Variants in SLCO5A1 observed in about 807,000 individuals in gnomAD.
SLCO5A1 encodes the protein organic anion transporter polypeptide-related protein 4.
In SLCO5A1, 39 loss-of-function variants were observed where a neutral mutation model predicts 65.1. The ratio of observed to expected loss-of-function variants is 0.60; its 90% CI spans 0.46 to 0.78. SLCO5A1 has a LOEUF of 0.78. Among genes scored for constraint, SLCO5A1 ranks in the 30% least tolerant of loss-of-function variants. The pLI is 0.00. For synonymous variants in SLCO5A1, 438 were observed against 415.7 expected (o/e 1.05, Z -0.65); for missense variants, 1,029 against 1,069.4 (o/e 0.96, Z 0.53).
In SLCO5A1 at chr8:69,690,692, G is replaced by A. The variant is rs543144935; in HGVS notation, c.1623-8349C>T. ...CGATGGGGCAATAAAGCTATATTCA[G>A]AGAAGATACTTTAGGGAAATATTTC... On this transcript the variant is annotated intron_variant, in intron 6 of 9. Transcript: ENST00000260126. 2.6e-5 allele frequency among the ~76,000 whole-genome samples: 4 copies of A among 152,282 alleles called. No individual in the cohort carries two copies. In the South Asian group the frequency reaches 6.2e-4, roughly 24 times the overall value.
chr8:69,795,374 C>A (rs904260013), intron 2 of SLCO5A1, among the ~76,000 whole-genome samples: 4 of 152,196 alleles, frequency 2.6e-5, no homozygotes, highest in Admixed American at 2.0e-4. Flanking sequence ...GGTAAATACT[C>A]CCATTCCAAA....
At chr8:69,701,200 A>C (rs1367847999) in intron 6 of SLCO5A1, among the ~76,000 whole-genome samples, 3 of 152,188 alleles carry the variant, frequency 2.0e-5, no homozygotes, top group Non-Finnish European at 2.9e-5. Flanking sequence ...AGATTCAAAG[A>C]AAGCAAAGTA....
At chr8:69,800,697 G>A (rs916952823) in intron 2 of SLCO5A1, among the ~76,000 whole-genome samples, 2 of 152,150 alleles carry the variant, frequency 1.3e-5, no homozygotes, top group Non-Finnish European at 2.9e-5. Flanking sequence ...TAATCACGAA[G>A]GTTTATTCCT....
At chr8:69,750,909 T>G (rs1817269570) in intron 4 of SLCO5A1, among the ~76,000 whole-genome samples, 2 of 152,070 alleles carry the variant, frequency 1.3e-5, no homozygotes, top group Non-Finnish European at 1.5e-5. Flanking sequence ...CTCTATAGAG[T>G]GAACATTCAG....
intron 5 of SLCO5A1, among the ~76,000 whole-genome samples, chr8:69,711,120 CCAGG>C (rs1815227218): frequency 6.6e-6 from 1 of 152,110 alleles, no homozygotes; most frequent in South Asian, 2.1e-4. Context: ...CACGCGCCAT[CCAGG>C]CCTCCCCGCC....
At chr8:69,777,406 C>T (rs759319073) in intron 2 of SLCO5A1, among the ~76,000 whole-genome samples, 2 of 149,896 alleles carry the variant, frequency 1.3e-5, no homozygotes, top group Admixed American at 6.7e-5. Context: ...GGAGGTCAGG[C>T]GGAAGGAGGG....
chr8:69,697,514 G>A (rs1563668207), intron 6 of SLCO5A1, among the ~76,000 whole-genome samples: 1 of 152,120 alleles, frequency 6.6e-6, no homozygotes, highest in East Asian at 1.9e-4. Flanking sequence ...ATAATGTTAA[G>A]TGCCATGAGG....
intron 2 of SLCO5A1, among the ~76,000 whole-genome samples, chr8:69,808,307 G>A (rs529882623): frequency 6.6e-6 from 1 of 151,884 alleles, no homozygotes; most frequent in Non-Finnish European, 1.5e-5. Context: ...TGTTTTTCCT[G>A]ATCTTCTCCC....
At chr8:69,792,010 T>G (rs927917484) in intron 2 of SLCO5A1, among the ~76,000 whole-genome samples, 1 of 152,216 alleles carries the variant, frequency 6.6e-6, no homozygotes, top group East Asian at 1.9e-4. Context: ...GCATCTATTT[T>G]TATCAAATAT....
At chr8:69,706,330 T>G (rs1040672347) in intron 5 of SLCO5A1, among the ~76,000 whole-genome samples, 3 of 152,182 alleles carry the variant, frequency 2.0e-5, no homozygotes, top group African/African-American at 7.2e-5. Flanking sequence ...GAGGGATTCA[T>G]GGTATAAGGA....
At position 69,672,934 on chromosome 8, in the gene SLCO5A1, C is replaced by T. The variant is rs1813385969; in HGVS notation, c.2482G>A (p.Ala828Thr). The T allele has an allele frequency of 1.2e-6, 2 of 1,614,118 alleles. No individual in the cohort carries two copies. Among genetic ancestry groups the T allele is most frequent in the Admixed American group, 1.7e-5 (1 of 60,006 alleles). Reference sequence around the variant, plus strand: ...CCCGGGTCCGCAGAGGAACTTATTGCTTCTGGGAAGGGCCCCGGGTAGGTC... The same window carrying T: ...CCCGGGTCCGCAGAGGAACTTATTGTTTCTGGGAAGGGCCCCGGGTAGGTC... ...AQTYPGPFPE[A>T]ISSSADPGLE... The change falls in exon 10 of 10, where the codon GCA becomes ACA. Residue 828 changes from alanine to threonine, a missense_variant. Around this residue, in one of 3 missense-constraint regions of SLCO5A1, gnomAD observed 258 missense variants for 237.4 expected, o/e 1.09. Transcript: ENST00000260126.
intron 2 of SLCO5A1, among the ~76,000 whole-genome samples, chr8:69,824,691 C>A (rs898855961): frequency 8.5e-5 from 13 of 152,232 alleles, no homozygotes; most frequent in Admixed American, 6.5e-4. Context: ...CAAATTCTAC[C>A]AGAGGTACAA....
chr8:69,752,452 A>T (rs925733339), intron 4 of SLCO5A1, among the ~76,000 whole-genome samples: 1 of 150,122 alleles, frequency 6.7e-6, no homozygotes, highest in Admixed American at 6.6e-5. Flanking sequence ...AAAAAAAGTG[A>T]TGTCAATAGC....
intron 6 of SLCO5A1, among the ~76,000 whole-genome samples, chr8:69,701,328 A>C (rs1006970705): frequency 6.6e-6 from 1 of 152,214 alleles, no homozygotes; most frequent in South Asian, 2.1e-4. Flanking sequence ...AACTCAATGG[A>C]CTTCCTTCTC....
rs1563672676 is a variant in SLCO5A1 at position 69,705,087 on chromosome 8, A to G, written c.1566T>C (p.Phe522=). Reference sequence around the variant, plus strand: ...GATTAATGCTTTCACATCCAACAATAAATAGGGTTGAAAAACATAGTAAAG... The same window carrying G: ...GATTAATGCTTTCACATCCAACAATGAATAGGGTTGAAAAACATAGTAAAG... The part of the protein sequence containing the change: ...GVSLLCFSTL[F]IVGCESINLG... The change falls in exon 6 of 10, where the codon TTT becomes TTC. Residue 522 remains phenylalanine (F), a synonymous_variant. Coordinates refer to ENST00000260126, the MANE Select transcript of SLCO5A1 (RefSeq NM_030958.3). The G allele has an allele frequency of 6.2e-7, 1 of 1,614,064 alleles. No individual in the cohort carries two copies.
At chr8:69,763,431 A>G (rs1817895140) in intron 2 of SLCO5A1, among the ~76,000 whole-genome samples, 1 of 151,876 alleles carries the variant, frequency 6.6e-6, no homozygotes, top group Non-Finnish European at 1.5e-5. Flanking sequence ...CCTGGCCAAC[A>G]TGGTGAAACC....
At chr8:69,774,057 G>A (rs1818458202) in intron 2 of SLCO5A1, among the ~76,000 whole-genome samples, 1 of 152,236 alleles carries the variant, frequency 6.6e-6, no homozygotes, top group Non-Finnish European at 1.5e-5. Context: ...AGCTCAATGA[G>A]AACAAGGACT....
intron 2 of SLCO5A1, among the ~76,000 whole-genome samples, chr8:69,767,905 A>AC (rs1818133898): frequency 7.1e-6 from 1 of 140,250 alleles, no homozygotes; most frequent in Non-Finnish European, 1.5e-5. Flanking sequence ...AAAAAAAAAA[A>AC]AAAAAACAAA....
At chr8:69,790,349 T>C (rs1819215818) in intron 2 of SLCO5A1, among the ~76,000 whole-genome samples, 1 of 152,040 alleles carries the variant, frequency 6.6e-6, no homozygotes, top group South Asian at 2.1e-4. Flanking sequence ...ATACACCTAC[T>C]ATGTACCCAC....
Sources: gnomAD v4.1 joint callset for allele counts (sites outside exome capture counted in the v4.1 genomes callset) on GRCh38, gnomAD v4.1.1 for gene constraint, gnomAD v4.1.1 regional missense constraint, MANE v1.5 for transcripts, NCBI Gene and HGNC (gene_info 2026-07-23, HGNC 2026-07-21) for gene names.